TRIO: variants seen among roughly 807,000 people sequenced by gnomAD.
The protein encoded by TRIO is triple functional domain protein.
TRIO carries 58 observed loss-of-function variants against 351.9 expected under a neutral mutation model. That is an observed-to-expected ratio of 0.16 (90% CI 0.13 to 0.21). The LOEUF (loss-of-function observed/expected upper bound fraction) is 0.21, where lower values mean the gene tolerates loss of function less well. Ranked by LOEUF, TRIO falls within the 10% of genes least tolerant of loss-of-function variation. TRIO has a pLI of 1.00. For synonymous variants in TRIO, 1,758 were observed against 1,595.7 expected, an observed-to-expected ratio of 1.10 and a Z score of -2.42; for missense variants, 3,201 against 4,027.8, an observed-to-expected ratio of 0.79 and a Z score of 5.56.
At chr5:14,221,335 C>T (rs923056439) in intron 1 of TRIO, among the ~76,000 whole-genome samples, 3 of 152,166 alleles carry the variant, frequency 2.0e-5, no homozygotes, top group Non-Finnish European at 4.4e-5. Flanking sequence ...CCGGCTAACA[C>T]AACATCCGTA....
At chr5:14,504,209 C>A (rs553818682) in intron 54 of TRIO, among the ~76,000 whole-genome samples, 184 bp from the exon 55 acceptor site, 1 of 152,204 alleles carries the variant, frequency 6.6e-6, no homozygotes, top group Admixed American at 6.5e-5. Context: ...CGCGTGGCTG[C>A]GGGGACAAGG....
intron 1 of TRIO, among the ~76,000 whole-genome samples, chr5:14,189,854 C>A (rs71614077): frequency 1.3e-5 from 2 of 151,912 alleles, no homozygotes; most frequent in African/African-American, 4.8e-5. Context: ...TCCCCAGGAG[C>A]TGGAACTATA....
intron 2 of TRIO, among the ~76,000 whole-genome samples, chr5:14,279,149 A>T (rs1314685196): frequency 6.6e-6 from 1 of 152,210 alleles, no homozygotes; most frequent in African/African-American, 2.4e-5. Context: ...ATTTAGAAAT[A>T]ATTTAAGGCT....
chr5:14,488,429 T>G, intron 48 of TRIO, 169 bp downstream of exon 48: 1 of 930,440 alleles, frequency 1.1e-6, no homozygotes. Flanking sequence ...CCCACGGCGC[T>G]ACTAACTACT....
chr5:14,316,288 G>A (rs1165979945), intron 8 of TRIO, among the ~76,000 whole-genome samples: 2 of 152,166 alleles, frequency 1.3e-5, no homozygotes, highest in East Asian at 3.8e-4. Flanking sequence ...ATTTGGCTTT[G>A]TGATGTCATT....
chr5:14,169,399 A>T (rs1051029134), intron 1 of TRIO, among the ~76,000 whole-genome samples: 1 of 151,810 alleles, frequency 6.6e-6, no homozygotes. Context: ...CTCCCCTTTG[A>T]CCCAGGTATT....
In TRIO at chr5:14,290,929, G is replaced by C. The variant is rs776340582; in HGVS notation, c.754G>C (p.Gly252Arg). ...AKKELPQDLE[G>R]ARNMIEEHSQ... ...GAAGGAGCTGCCTCAGGATTTAGAG[G>C]GGGCTCGGAATATGATCGAGGAACA... Residue 252 changes from glycine to arginine, a missense_variant, in exon 5 of 57, where the codon GGG becomes CGG. Coordinates refer to ENST00000344204, the MANE Select transcript of TRIO (RefSeq NM_007118.4). 6.2e-7 allele frequency: 1 copy of C among 1,614,184 alleles called. No individual in the cohort carries two copies. The highest frequency in any genetic ancestry group is 8.5e-7 in the Non-Finnish European group (1 of 1,180,032).
intron 46 of TRIO, 105 bp downstream of exon 46, chr5:14,482,878 A>T (rs1755637732): frequency 2.8e-5 from 32 of 1,150,494 alleles, no homozygotes; most frequent in Non-Finnish European, 3.6e-5. Context: ...TCGTTTAAGT[A>T]TTTGAGAATT....
At chr5:14,163,043 A>G (rs1157491983) in intron 1 of TRIO, among the ~76,000 whole-genome samples, 2 of 152,114 alleles carry the variant, frequency 1.3e-5, no homozygotes, top group Non-Finnish European at 2.9e-5. Flanking sequence ...ACATGTGCAG[A>G]ACGTGCAGGT....
chr5:14,225,120 T>C lies in TRIO; in HGVS notation c.158-45705T>C, dbSNP rs371928539. On this transcript the variant is annotated intron_variant, in intron 1 of 56. Coordinates refer to ENST00000344204, the MANE Select transcript of TRIO (RefSeq NM_007118.4). Reference sequence around the variant, plus strand: ...CTAGAGCATAGCCTTCCCTCAAGTTTATCTGAATCGTAGAGAATCAGTGTA... The same window carrying C: ...CTAGAGCATAGCCTTCCCTCAAGTTCATCTGAATCGTAGAGAATCAGTGTA... 9.9e-4 allele frequency among the ~76,000 whole-genome samples: 150 copies of C among 152,238 alleles called. No individual in the cohort carries two copies. The Middle Eastern group carries it at 0.014, about 14-fold the overall frequency.
chr5:14,401,717 T>C (rs1457490192), intron 31 of TRIO, among the ~76,000 whole-genome samples: 1 of 152,222 alleles, frequency 6.6e-6, no homozygotes, highest in East Asian at 1.9e-4. Flanking sequence ...GGTCAAGAGC[T>C]CTAAGGTTGT....
intron 1 of TRIO, among the ~76,000 whole-genome samples, chr5:14,225,572 C>G (rs1258848933): frequency 6.6e-6 from 1 of 152,100 alleles, no homozygotes; most frequent in African/African-American, 2.4e-5. Flanking sequence ...GTCACTCTTT[C>G]CTGGAGGCCA....
chr5:14,296,696 C>G (rs996671969), intron 6 of TRIO, among the ~76,000 whole-genome samples: 3 of 152,158 alleles, frequency 2.0e-5, no homozygotes, highest in Non-Finnish European at 4.4e-5. Context: ...CGCTGGGTCC[C>G]TCAGTTCTCT....
chr5:14,450,054 T>C (rs189973269), intron 34 of TRIO, among the ~76,000 whole-genome samples: 1 of 152,334 alleles, frequency 6.6e-6, no homozygotes, highest in Non-Finnish European at 1.5e-5. Context: ...CATTTTCCAA[T>C]GCTTATGTAA....
intron 34 of TRIO, among the ~76,000 whole-genome samples, chr5:14,428,887 A>T (rs1408394270): frequency 1.3e-5 from 2 of 152,194 alleles, no homozygotes; most frequent in African/African-American, 4.8e-5. Context: ...GGGGTGACTC[A>T]TGGGCCAAGC....
chr5:14,391,139 G>A (rs894082470), intron 27 of TRIO, 149 bp downstream of exon 27: 14 of 604,562 alleles, frequency 2.3e-5, no homozygotes, highest in Admixed American at 3.8e-5. Context: ...ATGTCTATTG[G>A]GCTATTCTTC....
intron 7 of TRIO, among the ~76,000 whole-genome samples, chr5:14,302,774 C>T (rs1738013919): frequency 6.6e-6 from 1 of 152,204 alleles, no homozygotes; most frequent in African/African-American, 2.4e-5. Context: ...AAATAGTCAT[C>T]CTCTGCATTC....
chr5:14,424,923 A>T (rs997609322), intron 34 of TRIO, among the ~76,000 whole-genome samples: 1 of 152,208 alleles, frequency 6.6e-6, no homozygotes, highest in East Asian at 1.9e-4. Context: ...TTACTTTTCC[A>T]CTTGACTGTC....
chr5:14,456,669 T>A (rs1361060675), intron 34 of TRIO, among the ~76,000 whole-genome samples: 1 of 152,188 alleles, frequency 6.6e-6, no homozygotes, highest in Non-Finnish European at 1.5e-5. Flanking sequence ...TAATTTAAGA[T>A]CTTCCCATGG....
Sources: gnomAD v4.1 joint callset for allele counts (sites outside exome capture counted in the v4.1 genomes callset) on GRCh38, gnomAD v4.1.1 for gene constraint, MANE v1.5 for transcripts, NCBI Gene and HGNC (gene_info 2026-07-23, HGNC 2026-07-21) for gene names.